The following KCTD1 variants were observed in gnomAD, a reference collection of about 807,000 sequenced individuals.
KCTD1 encodes the protein potassium channel tetramerization domain containing 1, also known as BTB/POZ domain-containing protein KCTD1.
Under a neutral mutation model 66.0 loss-of-function variants are expected in KCTD1, and 24 were observed. That is an observed-to-expected ratio of 0.36 (90% CI 0.26 to 0.51). The LOEUF is 0.51. Ranked by LOEUF, KCTD1 falls within the 20% of genes least tolerant of loss-of-function variation. The pLI is 0.95. For synonymous variants in KCTD1, 511 were observed against 517.2 expected (o/e 0.99, Z 0.16); for missense variants, 943 against 1,205.2 (o/e 0.78, Z 3.22).
At chr18:26,626,570 GC>G (rs1343581745) in intron 1 of KCTD1, among the ~76,000 whole-genome samples, 1 of 150,566 alleles carries the variant, frequency 6.6e-6, no homozygotes, top group African/African-American at 2.4e-5. Context: ...CCACTTCCTG[GC>G]TCAATTAATC....
At chr18:26,486,506 T>A (rs893612192) in intron 2 of KCTD1, among the ~76,000 whole-genome samples, 1 of 152,218 alleles carries the variant, frequency 6.6e-6, no homozygotes, top group African/African-American at 2.4e-5. Context: ...ACCTAATCTG[T>A]GTTGGAAGGA....
intron 1 of KCTD1, among the ~76,000 whole-genome samples, chr18:26,554,565 T>G (rs1598939080): frequency 6.6e-6 from 1 of 152,224 alleles, no homozygotes; most frequent in East Asian, 1.9e-4. Flanking sequence ...AGAGGCACTT[T>G]CTATTGAAAT....
chr18:26,592,308 A>G (rs568553710), intron 1 of KCTD1, among the ~76,000 whole-genome samples: 57 of 152,366 alleles, frequency 3.7e-4, no homozygotes, highest in African/African-American at 1.3e-3. Flanking sequence ...TCTGCAGTGA[A>G]GTGTAAGAAG....
upstream of KCTD1, among the ~76,000 whole-genome samples, chr18:26,550,070 G>C (rs1985494490): frequency 1.3e-5 from 2 of 152,084 alleles, no homozygotes; most frequent in Non-Finnish European, 2.9e-5. This position sits in a 1 kb window ranked among gnomAD's most constrained non-coding sequence, Gnocchi z 5.4. Context: ...GTACCCTGGC[G>C]CGCGGGCCAG....
chr18:26,599,399 T>G, intron 1 of KCTD1: 2 of 1,611,302 alleles, frequency 1.2e-6, no homozygotes, highest in Non-Finnish European at 1.7e-6. Context: ...AGTACTGCAC[T>G]GCAAGAATGG....
intron 1 of KCTD1, among the ~76,000 whole-genome samples, chr18:26,541,051 G>A (rs1984950570): frequency 6.6e-6 from 1 of 152,150 alleles, no homozygotes; most frequent in African/African-American, 2.4e-5. Context: ...CTGGTGGAGT[G>A]GGGGTCACTA....
At chr18:26,600,221 CT>C in intron 1 of KCTD1, 1 of 1,602,190 alleles carries the variant, frequency 6.2e-7, no homozygotes, top group Non-Finnish European at 8.5e-7. Context: ...CCCAAGTCGG[CT>C]TGTGGAAACT....
intron 1 of KCTD1, among the ~76,000 whole-genome samples, chr18:26,637,950 A>C (rs1452747940): frequency 6.6e-6 from 1 of 152,202 alleles, no homozygotes; most frequent in Non-Finnish European, 1.5e-5. Flanking sequence ...TTGTAACGTT[A>C]GACCGTCTTA....
intron 1 of KCTD1, among the ~76,000 whole-genome samples, chr18:26,618,835 CTA>C (rs1987312972): frequency 6.6e-6 from 1 of 152,206 alleles, no homozygotes; most frequent in African/African-American, 2.4e-5. Flanking sequence ...ATTTGGAAAA[CTA>C]TGCGTAGATG....
chr18:26,455,608 T>C lies in KCTD1; in HGVS notation c.*135A>G, dbSNP rs1980028895. 4.0e-6 allele frequency: 4 copies of C among 1,002,272 alleles called. No homozygotes were observed. Among genetic ancestry groups the C allele is most frequent in the South Asian group, 1.4e-5 (1 of 70,100 alleles). 62.1% of individuals were successfully genotyped at this position (1,002,272 alleles called of 1,614,324 possible). The stretch of plus-strand genomic sequence containing the variant: ...CATATGAATACAGGTGTGGTCTCTA[T>C]TGGATATAAATGTGTCTTTTATTCG... On this transcript the variant is annotated 3_prime_UTR_variant, in exon 5 of 5. Transcript: ENST00000580059.
intron 1 of KCTD1, among the ~76,000 whole-genome samples, chr18:26,622,898 G>A (rs1042271507): frequency 6.6e-6 from 1 of 152,130 alleles, no homozygotes; most frequent in Admixed American, 6.5e-5. Flanking sequence ...AGTTGAAGAG[G>A]CATACAGCAT....
chr18:26,497,354 A>G (rs1598897606), intron 2 of KCTD1, among the ~76,000 whole-genome samples: 2 of 152,158 alleles, frequency 1.3e-5, no homozygotes, highest in African/African-American at 4.8e-5. Flanking sequence ...TGGGGCAGAG[A>G]ATGGTCCCAT....
At chr18:26,541,123 A>G (rs4800261) in intron 1 of KCTD1, among the ~76,000 whole-genome samples, 102,174 of 151,978 alleles carry the variant, frequency 0.67, 34,998 homozygotes, top group African/African-American at 0.81. Flanking sequence ...TCAGCTATCC[A>G]GGGTTACATA....
chr18:26,473,083 T>G (rs1466489824), intron 3 of KCTD1, among the ~76,000 whole-genome samples: 1 of 152,126 alleles, frequency 6.6e-6, no homozygotes, highest in African/African-American at 2.4e-5. Context: ...TTGCCCAAAT[T>G]AATAAAGTAG....
chr18:26,583,085 T>C lies in KCTD1; in HGVS notation c.-16+46062A>G, dbSNP rs191075010. On this transcript the variant is annotated intron_variant, in intron 1 of 4. Coordinates refer to the KCTD1 transcript ENST00000317932. ...GATAGATGGTAATTTAAAAAAAATATGATGGAGATAAAAGAGAGCAAAAGT... is the reference window on the plus strand; with the variant it reads ...GATAGATGGTAATTTAAAAAAAATACGATGGAGATAAAAGAGAGCAAAAGT... Among the ~76,000 whole-genome samples, 879 of 151,316 alleles carry C rather than the reference T, an allele frequency of 5.8e-3. 9 individuals carry two copies. Among genetic ancestry groups the C allele is most frequent in the African/African-American group, 0.02 (835 of 41,306 alleles).
At chr18:26,545,181 C>A (rs1260970196) in intron 1 of KCTD1, 2 of 152,176 alleles carry the variant, frequency 1.3e-5, no homozygotes, top group Non-Finnish European at 2.9e-5. Context: ...GCCATGCACG[C>A]CTTAATAAAC....
chr18:26,550,349 G>T (rs1246457697), upstream of KCTD1, among the ~76,000 whole-genome samples: 3 of 150,858 alleles, frequency 2.0e-5, no homozygotes, highest in Admixed American at 6.6e-5. This position sits in a 1 kb window ranked among gnomAD's most constrained non-coding sequence, Gnocchi z 5.4. Context: ...TTTTTTTTAA[G>T]AAAGAATGAA....
At chr18:26,465,642 G>A (rs905127771) in intron 3 of KCTD1, among the ~76,000 whole-genome samples, 4 of 152,224 alleles carry the variant, frequency 2.6e-5, no homozygotes, top group African/African-American at 9.6e-5. Flanking sequence ...ACAGACAGAA[G>A]CACACACAGG....
At chr18:26,593,866 A>G (rs1291460444) in intron 1 of KCTD1, among the ~76,000 whole-genome samples, 1 of 138,910 alleles carries the variant, frequency 7.2e-6, no homozygotes, top group Non-Finnish European at 1.6e-5. Context: ...GAGGAGAACA[A>G]GGAGGAAGAG....
Sources: allele counts gnomAD v4.1 joint callset (sites outside exome capture counted in the v4.1 genomes callset), GRCh38; gene constraint gnomAD v4.1.1; non-coding constraint Gnocchi (gnomAD v3.1); transcripts MANE v1.5; gene names NCBI Gene and HGNC (gene_info 2026-07-23, HGNC 2026-07-21).